The following PRELP variants were observed in gnomAD, a reference collection of about 807,000 sequenced individuals.
The protein encoded by PRELP is proline and arginine rich end leucine rich repeat protein.
Under a neutral mutation model 22.8 loss-of-function variants are expected in PRELP, and 16 were observed. That is an observed-to-expected ratio of 0.70 (90% CI 0.47 to 1.06). The LOEUF is 1.06. PRELP is among the 50% of genes least tolerant of loss of function. PRELP has a pLI of 0.00. For synonymous variants in PRELP, 233 were observed against 211.4 expected (o/e 1.10, Z -0.89); for missense variants, 434 against 485.2 (o/e 0.89, Z 0.99).
In PRELP at chr1:203,477,573, C is replaced by G. The variant is rs571300814; in HGVS notation, c.-17+1635C>G. 8.5e-5 allele frequency among the ~76,000 whole-genome samples: 13 copies of G among 152,232 alleles called. No individual in the cohort carries two copies. In the East Asian group the frequency reaches 1.9e-3, roughly 23 times the overall value. On this transcript the variant is annotated intron_variant, in intron 1 of 2. Coordinates refer to ENST00000343110, the MANE Select transcript of PRELP (RefSeq NM_002725.4). The stretch of plus-strand genomic sequence containing the variant: ...GCATGTGCTGGGCCCTTCCCCTGAC[C>G]CTTATAGGTCCCTGCTCCTCCTTCC...
Position 203,486,855 on chromosome 1 carries a change from C to T in PRELP, c.1123C>T (p.Arg375Cys), listed in dbSNP as rs746632922. Residue 375 changes from arginine (R) to cysteine (C), a missense_variant, in exon 3 of 3, where the codon CGC becomes TGC. Physicochemically the swap from Arg to Cys is radical, Grantham distance 180. Coordinates refer to ENST00000343110, the MANE Select transcript of PRELP (RefSeq NM_002725.4). Reference sequence around the variant, plus strand: ...CCCGCTGGACCTCATGATGTGCTTCCGCCTCCTGCAGTCCGTGGTCATCTA... The same window carrying T: ...CCCGCTGGACCTCATGATGTGCTTCTGCCTCCTGCAGTCCGTGGTCATCTA... ...PIPLDLMMCF[R>C]LLQSVVI is the part of the protein sequence containing the mutation. The T allele has an allele frequency of 6.8e-6, 11 of 1,614,038 alleles. No homozygotes were observed. Among genetic ancestry groups the T allele is most frequent in the Non-Finnish European group, 9.3e-6 (11 of 1,179,946 alleles).
In PRELP at chr1:203,489,398, G is replaced by A. The variant is rs577475874; in HGVS notation, c.*2517G>A. ...CCCCTCCTCCAAACACACACAGAATGGGCTGGTTTCTTTCAAGTTTAAAAA... is the reference window on the plus strand; with the variant it reads ...CCCCTCCTCCAAACACACACAGAATAGGCTGGTTTCTTTCAAGTTTAAAAA... On this transcript the variant is annotated 3_prime_UTR_variant, in exon 3 of 3. Coordinates refer to ENST00000343110, the MANE Select transcript of PRELP (RefSeq NM_002725.4). The A allele has an allele frequency of 6.6e-6, 1 of 152,270 alleles. No homozygotes were observed. The highest frequency in any genetic ancestry group is 1.9e-4 in the East Asian group (1 of 5,186). 9.4% of individuals were successfully genotyped at this position (152,270 alleles called of 1,614,324 possible). A position where few individuals can be genotyped will look rare whatever the true frequency, so the allele number is the denominator to read the frequency against.
Position 203,483,022 on chromosome 1 carries a change from C to T in PRELP, c.-16-147C>T. ...TTGTTATTCCCTTACCTGCTGGGTA[C>T]AGGCAAACAAGGAGATGCTTCCACA... On this transcript the variant is annotated intron_variant, in intron 1 of 2. Transcript: ENST00000343110. This position sits in a 1 kb window ranked among gnomAD's most constrained non-coding sequence, Gnocchi z 4.4. The T allele has an allele frequency of 1.5e-6, 1 of 686,344 alleles. No individual in the cohort carries two copies. The highest frequency in any genetic ancestry group is 2.2e-5 in the South Asian group (1 of 45,362). 42.5% of individuals were successfully genotyped at this position (686,344 alleles called of 1,614,324 possible). A position where few individuals can be genotyped will look rare whatever the true frequency, so the allele number is the denominator to read the frequency against.
chr1:203,480,865 C>G (rs1216573451), intron 1 of PRELP, among the ~76,000 whole-genome samples: 3 of 152,238 alleles, frequency 2.0e-5, no homozygotes, highest in African/African-American at 4.8e-5. Context: ...GGGTCTGGTG[C>G]TGCACATGGG....
In PRELP at chr1:203,489,042, C is replaced by G. The variant is rs746319688; in HGVS notation, c.*2161C>G. 1.3e-5 allele frequency: 2 copies of G among 152,652 alleles called. No homozygotes were observed. The highest frequency in any genetic ancestry group is 2.4e-5 in the African/African-American group (1 of 41,460). 9.5% of individuals were successfully genotyped at this position (152,652 alleles called of 1,614,324 possible). ...CCATTTCATCATAGCCTCCTTCCCC[C>G]GTGCTCCACTACAATCGCCGCATTC... On this transcript the variant is annotated 3_prime_UTR_variant, in exon 3 of 3. Transcript: ENST00000343110.
Position 203,483,293 on chromosome 1 carries a change from A to T in PRELP, c.109A>T (p.Arg37Trp). ...CGGGACTGGGCCCGGGCGCAGACCCAGGCCCAGGCCCAGGCCCACACCCAG... is the reference window on the plus strand; with the variant it reads ...CGGGACTGGGCCCGGGCGCAGACCCTGGCCCAGGCCCAGGCCCACACCCAG... Reference protein sequence around the residue: ...RPGTGPGRRPRPRPRPTPSFP... With the variant: ...RPGTGPGRRPWPRPRPTPSFP... Residue 37 changes from arginine to tryptophan, a missense_variant, in exon 2 of 3, where the codon AGG (arginine) becomes TGG (tryptophan). Physicochemically the swap from Arg to Trp is moderately radical, Grantham distance 101 (BLOSUM62 -3). Transcript: ENST00000343110. This position sits in a 1 kb window ranked among gnomAD's most constrained non-coding sequence, Gnocchi z 4.4. The T allele has an allele frequency of 6.2e-7, 1 of 1,613,462 alleles. No individual in the cohort carries two copies. Among genetic ancestry groups the T allele is most frequent in the Non-Finnish European group, 8.5e-7 (1 of 1,179,576 alleles).
At position 203,490,228 on chromosome 1, in the gene PRELP, A is replaced by T. The variant is rs1661168532; in HGVS notation, c.*3347A>T. The T allele has an allele frequency of 6.8e-6, 1 of 146,646 alleles. No individual in the cohort carries two copies. Among genetic ancestry groups the T allele is most frequent in the African/African-American group, 2.6e-5 (1 of 39,134 alleles). 9.1% of individuals were successfully genotyped at this position (146,646 alleles called of 1,614,324 possible). On this transcript the variant is annotated 3_prime_UTR_variant, in exon 3 of 3. Coordinates refer to ENST00000343110, the MANE Select transcript of PRELP (RefSeq NM_002725.4). ...GATCCTCCCACCTTGGCCTCCCCAG[A>T]GTGCTGGGATTACACACGTGAGTCA...
chr1:203,479,970 T>C (rs1020292091), intron 1 of PRELP, among the ~76,000 whole-genome samples: 7 of 152,254 alleles, frequency 4.6e-5, no homozygotes, highest in Non-Finnish European at 1.0e-4. Context: ...CTGGGTGCAG[T>C]GGCTCACACC....
rs568640611 is a variant in PRELP at position 203,483,066 on chromosome 1, A to T, written c.-16-103A>T. 8.5e-5 allele frequency: 81 copies of T among 949,276 alleles called. No homozygotes were observed. The African/African-American group carries it at 1.2e-3, about 14-fold the overall frequency. The allele number at this position is 949,276 out of a possible 1,614,324, so 58.8% of individuals were successfully genotyped here. A position where few individuals can be genotyped will look rare whatever the true frequency, so the allele number is the denominator to read the frequency against. ...TTCCACAGCTCCCTGAGCTCTGCCC[A>T]TCTTCCCTAGAGCTCTAGTTCTGCC... On this transcript the variant is annotated intron_variant, in intron 1 of 2. Coordinates refer to ENST00000343110, the MANE Select transcript of PRELP (RefSeq NM_002725.4). This position sits in a 1 kb window ranked among gnomAD's most constrained non-coding sequence, Gnocchi z 4.4.
Position 203,490,582 on chromosome 1 carries a change from A to T in PRELP, c.*3701A>T, listed in dbSNP as rs1036548122. 1 of 152,266 alleles carries T rather than the reference A, an allele frequency of 6.6e-6. No homozygotes were observed. The highest frequency in any genetic ancestry group is 1.5e-5 in the Non-Finnish European group (1 of 68,050). 9.4% of individuals were successfully genotyped at this position (152,266 alleles called of 1,614,324 possible). On this transcript the variant is annotated 3_prime_UTR_variant, in exon 3 of 3. Transcript: ENST00000343110. ...GTGCATACAAAACAGTAAAAGAGCC[A>T]TCTCAAGGACAGAGAGCATAGACCA... is the stretch of plus-strand genomic sequence containing the variant.
intron 2 of PRELP, 147 bp downstream of exon 2, chr1:203,484,304 A>C: frequency 1.5e-6 from 2 of 1,293,404 alleles, no homozygotes; most frequent in Non-Finnish European, 1.0e-6. Flanking sequence ...GCCACTTGCT[A>C]TCTGGGTGAC....
rs936378157 is a variant in PRELP, at chr1:203,484,008, A to G, written c.824A>G (p.Tyr275Cys). 11 of 1,614,096 alleles carry G rather than the reference A, an allele frequency of 6.8e-6. No individual in the cohort carries two copies. The Admixed American group carries it at 1.7e-4, about 24-fold the overall frequency. The change falls in exon 2 of 3, where the codon TAC becomes TGC. Residue 275 changes from tyrosine (Y) to cysteine (C), a missense_variant. Tyr to Cys is a radical substitution (Grantham distance 194, BLOSUM62 -2). Transcript: ENST00000343110. ...AATCTTGCCTTCATTCGGCTTAACT[A>G]CAACAAGCTGACAGACAGGGGACTC... ...FPNLAFIRLN[Y>C]NKLTDRGLPK...
chr1:203,485,926 C>T (rs897054288), intron 2 of PRELP, among the ~76,000 whole-genome samples: 4 of 152,246 alleles, frequency 2.6e-5, no homozygotes, highest in South Asian at 4.1e-4. Context: ...CCGGGGGTTC[C>T]GGAGCTCTCC....
intron 2 of PRELP, among the ~76,000 whole-genome samples, chr1:203,485,514 G>A (rs1177776442): frequency 6.6e-6 from 1 of 152,158 alleles, no homozygotes; most frequent in Non-Finnish European, 1.5e-5. Context: ...CACTGGTACT[G>A]TCTTTAAACA....
chr1:203,483,304 C>T lies in PRELP; in HGVS notation c.120C>T (p.Pro40=), dbSNP rs1322640886. The change falls in exon 2 of 3, where the codon CCC becomes CCT. Residue 40 remains proline (P), a synonymous_variant. Transcript: ENST00000343110. The surrounding 1 kb of genome is among the most constrained non-coding windows in gnomAD (Gnocchi z 4.4). ...TGPGRRPRPR[P]RPTPSFPQPD... ...CCGGGCGCAGACCCAGGCCCAGGCC[C>T]AGGCCCACACCCAGCTTTCCTCAGC... The T allele has an allele frequency of 6.2e-7, 1 of 1,614,004 alleles. No individual in the cohort carries two copies. The highest frequency in any genetic ancestry group is 8.5e-7 in the Non-Finnish European group (1 of 1,179,962).
chr1:203,479,567 G>A (rs543545995), intron 1 of PRELP, among the ~76,000 whole-genome samples: 1 of 152,008 alleles, frequency 6.6e-6, no homozygotes, highest in African/African-American at 2.4e-5. Flanking sequence ...GCCAGCTGTG[G>A]TAGCACATGC....
Position 203,483,147 on chromosome 1 carries a change from C to G in PRELP, c.-16-22C>G, listed in dbSNP as rs1215063963. ...TTACTGAGGGCCCAAGGATAATGAC[C>G]TTATGTGTCTTCTCCCTGCAGGTGC... On this transcript the variant is annotated intron_variant, in intron 1 of 2. Coordinates refer to ENST00000343110, the MANE Select transcript of PRELP (RefSeq NM_002725.4). The surrounding 1 kb of genome is among the most constrained non-coding windows in gnomAD (Gnocchi z 4.4). 1 of 1,498,446 alleles carries G rather than the reference C, an allele frequency of 6.7e-7. No homozygotes were observed. The allele number at this position is 1,498,446 out of a possible 1,614,324, so 92.8% of individuals were successfully genotyped here.
At position 203,483,148 on chromosome 1, in the gene PRELP, T is replaced by G. The variant is rs1055123927; in HGVS notation, c.-16-21T>G. The G allele has an allele frequency of 6.7e-7, 1 of 1,499,118 alleles. No homozygotes were observed. The highest frequency in any genetic ancestry group is 2.3e-5 in the Admixed American group (1 of 44,072). 92.9% of individuals were successfully genotyped at this position (1,499,118 alleles called of 1,614,324 possible). On this transcript the variant is annotated intron_variant, in intron 1 of 2. Transcript: ENST00000343110. The surrounding 1 kb of genome is among the most constrained non-coding windows in gnomAD (Gnocchi z 4.4). ...TACTGAGGGCCCAAGGATAATGACC[T>G]TATGTGTCTTCTCCCTGCAGGTGCA...
Position 203,483,773 on chromosome 1 carries a change from C to G in PRELP, c.589C>G (p.Leu197Val), listed in dbSNP as rs1226126962. The G allele has an allele frequency of 6.2e-7, 1 of 1,614,220 alleles. No homozygotes were observed. Among genetic ancestry groups the G allele is most frequent in the Non-Finnish European group, 8.5e-7 (1 of 1,180,038 alleles). The change falls in exon 2 of 3, where the codon CTG becomes GTG. Residue 197 changes from leucine to valine, a missense_variant. Coordinates refer to ENST00000343110, the MANE Select transcript of PRELP (RefSeq NM_002725.4). The surrounding 1 kb of genome is among the most constrained non-coding windows in gnomAD (Gnocchi z 4.4). ...PPGVFSKLEN[L>V]LLLDLQHNRL... ...TGGTGTCTTCAGCAAGCTGGAGAACCTGCTGCTCCTGGATCTCCAGCACAA... is the reference window on the plus strand; with the variant it reads ...TGGTGTCTTCAGCAAGCTGGAGAACGTGCTGCTCCTGGATCTCCAGCACAA...
Sources: allele counts gnomAD v4.1 joint callset (sites outside exome capture counted in the v4.1 genomes callset), GRCh38; gene constraint gnomAD v4.1.1; non-coding constraint Gnocchi (gnomAD v3.1); transcripts MANE v1.5; gene names NCBI Gene and HGNC (gene_info 2026-07-23, HGNC 2026-07-21).